Variants in WDR70 observed in about 807,000 individuals in gnomAD.
WDR70 encodes WD repeat domain 70, also known as WD repeat-containing protein 70.
WDR70 carries 53 observed loss-of-function variants against 88.6 expected under a neutral mutation model. That is an observed-to-expected ratio of 0.60 (90% confidence interval 0.48 to 0.75). WDR70 has a LOEUF of 0.75. Ranked by LOEUF, WDR70 falls within the 30% of genes least tolerant of loss-of-function variation. The pLI is 0.00. For missense variants in WDR70, 610 were observed against 823.2 expected (o/e 0.74, Z 3.17); for synonymous variants, 280 against 270.0 (o/e 1.04, Z -0.36).
chr5:37,548,981 A>G (rs1178843791), intron 9 of WDR70, among the ~76,000 whole-genome samples: 2 of 152,026 alleles, frequency 1.3e-5, no homozygotes, highest in South Asian at 2.1e-4. Flanking sequence ...TGGATCCCCT[A>G]TTCTGTTTTA....
intron 8 of WDR70, among the ~76,000 whole-genome samples, chr5:37,495,423 TACAG>T (rs1283004554): frequency 1.3e-5 from 2 of 152,064 alleles, no homozygotes; most frequent in Admixed American, 1.3e-4. Context: ...ACAGACAGAT[TACAG>T]ACAGATTATC....
chr5:37,592,389 A>G (rs1743557772), intron 9 of WDR70, among the ~76,000 whole-genome samples: 1 of 152,208 alleles, frequency 6.6e-6, no homozygotes, highest in Non-Finnish European at 1.5e-5. Flanking sequence ...TATGTCACTG[A>G]TAAGCATTTT....
chr5:37,671,752 AACTG>A (rs916868080), intron 10 of WDR70, among the ~76,000 whole-genome samples: 1 of 152,200 alleles, frequency 6.6e-6, no homozygotes, highest in African/African-American at 2.4e-5. Context: ...ACTGGATATA[AACTG>A]ACTGACTTTT....
At chr5:37,514,339 C>CATACATACATATATATATAT (rs1330415670) in intron 8 of WDR70, among the ~76,000 whole-genome samples, 24 of 28,750 alleles carry the variant, frequency 8.3e-4, no homozygotes, top group African/African-American at 1.3e-3. Context: ...TTTAGAACTA[C>CATACATACATATATATATAT]ATATATATAT....
chr5:37,719,844 C>CTTT (rs55870531), intron 13 of WDR70, among the ~76,000 whole-genome samples: 35 of 141,122 alleles, frequency 2.5e-4, no homozygotes, highest in African/African-American at 9.3e-4. Context: ...TTCTTTCTTT[C>CTTT]TTTTTTTTTT....
chr5:37,677,738 A>C (rs575498800), intron 10 of WDR70, among the ~76,000 whole-genome samples: 1 of 152,264 alleles, frequency 6.6e-6, no homozygotes, highest in South Asian at 2.1e-4. Flanking sequence ...AATTCTGTAG[A>C]TGTCTATTAG....
At chr5:37,522,480 A>AAG (rs947373424) in intron 9 of WDR70, among the ~76,000 whole-genome samples, 2 of 151,470 alleles carry the variant, frequency 1.3e-5, no homozygotes, top group African/African-American at 4.8e-5. Flanking sequence ...CAAAAAAAAA[A>AAG]AAAAAAAAAA....
At chr5:37,463,271 C>T (rs907439525) in intron 7 of WDR70, among the ~76,000 whole-genome samples, 4 of 32,886 alleles carry the variant, frequency 1.2e-4, no homozygotes, top group African/African-American at 1.4e-4. Flanking sequence ...GATTCTGTAT[C>T]GAAAAAAAAA....
intron 9 of WDR70, among the ~76,000 whole-genome samples, chr5:37,526,369 C>G (rs1056717320): frequency 1.3e-5 from 2 of 152,070 alleles, no homozygotes; most frequent in Non-Finnish European, 1.5e-5. Context: ...ATAAACAGAA[C>G]CAAAGAAAAA....
chr5:37,732,790 T>C (rs942281324), intron 17 of WDR70, among the ~76,000 whole-genome samples: 4 of 152,124 alleles, frequency 2.6e-5, no homozygotes, highest in Non-Finnish European at 5.9e-5. Context: ...GTTAATCGTT[T>C]TTTATTTTAC....
chr5:37,742,302 G>A (rs1394542270), intron 17 of WDR70, among the ~76,000 whole-genome samples: 1 of 148,698 alleles, frequency 6.7e-6, no homozygotes, highest in Non-Finnish European at 1.5e-5. Context: ...TTCTTGTGGT[G>A]AGGTGGTATC....
rs1309184076 is a variant in WDR70, at chr5:37,415,607, A to G, written c.492+19037A>G. ...CCCGGACGGGGCGGCTGGCCGGGCG[A>G]GGGGCTGACCCCCCCCACCTCCCTC... On this transcript the variant is annotated intron_variant, in intron 5 of 17. Transcript: ENST00000265107. Among the ~76,000 whole-genome samples the G allele has an allele frequency of 4.2e-4, 43 of 103,150 alleles. 1 individual carries two copies. The East Asian group carries it at 8.9e-3, about 21-fold the overall frequency. 67.7% of individuals were successfully genotyped at this position (103,150 alleles called of 152,430 possible). A position where few individuals can be genotyped will look rare whatever the true frequency, so the allele number is the denominator to read the frequency against.
intron 10 of WDR70, among the ~76,000 whole-genome samples, chr5:37,693,795 G>C (rs541470481): frequency 3.9e-5 from 6 of 152,204 alleles, no homozygotes; most frequent in East Asian, 1.9e-4. Context: ...CATAGGCATG[G>C]GCAAGGACTT....
At chr5:37,583,012 G>A (rs1325227768) in intron 9 of WDR70, among the ~76,000 whole-genome samples, 6 of 152,208 alleles carry the variant, frequency 3.9e-5, no homozygotes, top group African/African-American at 1.2e-4. Flanking sequence ...AGTTTTAAAA[G>A]CTTTTCTGGA....
At chr5:37,702,914 A>C in intron 12 of WDR70, 35 bp from the exon 13 acceptor site, 1 of 1,585,952 alleles carries the variant, frequency 6.3e-7, no homozygotes, top group Non-Finnish European at 8.6e-7. Context: ...TGTGGAGGTC[A>C]TAAGCTTATA....
intron 9 of WDR70, among the ~76,000 whole-genome samples, chr5:37,573,778 A>G (rs1003945235): frequency 2.6e-5 from 4 of 152,012 alleles, no homozygotes; most frequent in Non-Finnish European, 5.9e-5. Context: ...GCTTTGATCC[A>G]CACCGTTCCA....
At chr5:37,548,900 T>C (rs1342851668) in intron 9 of WDR70, among the ~76,000 whole-genome samples, 3 of 152,210 alleles carry the variant, frequency 2.0e-5, no homozygotes. Context: ...GAAGAGACTG[T>C]CTTTTCCTCA....
At position 37,734,819 on chromosome 5, in the gene WDR70, G is replaced by T. The variant is rs540656406; in HGVS notation, c.1877+7774G>T. On this transcript the variant is annotated intron_variant, in intron 17 of 17. Transcript: ENST00000265107. ...CTTCATCTCTATGAAAGTGATCATG[G>T]AATTTTTCTACTTCGATCTATGAAT... Among the ~76,000 whole-genome samples, 16 of 152,150 alleles carry T rather than the reference G, an allele frequency of 1.1e-4. No individual in the cohort carries two copies. The East Asian group carries it at 3.1e-3, about 29-fold the overall frequency.
intron 10 of WDR70, among the ~76,000 whole-genome samples, chr5:37,693,765 C>G (rs1746890264): frequency 6.6e-6 from 1 of 152,128 alleles, no homozygotes; most frequent in African/African-American, 2.4e-5. Context: ...AGAAGAAAAC[C>G]TAGGCAATAT....
Sources: allele counts gnomAD v4.1 joint callset (sites outside exome capture counted in the v4.1 genomes callset), GRCh38; gene constraint gnomAD v4.1.1; transcripts MANE v1.5; gene names NCBI Gene and HGNC (gene_info 2026-07-23, HGNC 2026-07-21).